Variants in DST observed in about 807,000 individuals in gnomAD.
DST encodes dystonin.
A neutral mutation model predicts 875.2 loss-of-function variants in DST; 253 were observed. That is an observed-to-expected ratio of 0.29 (90% CI 0.26 to 0.32). The LOEUF is 0.32. DST is among the 10% of genes least tolerant of loss of function. The pLI, the probability that DST is intolerant of heterozygous loss-of-function variation, is 1.00. For missense variants in DST, 8,287 were observed against 9,111.6 expected, an observed-to-expected ratio of 0.91 and a Z score of 3.68; for synonymous variants, 3,124 against 3,197.1, an observed-to-expected ratio of 0.98 and a Z score of 0.77.
intron 2 of DST, among the ~76,000 whole-genome samples, chr6:56,930,606 CAG>C (rs1352008588): frequency 3.9e-5 from 6 of 152,134 alleles, no homozygotes; most frequent in Non-Finnish European, 8.8e-5. Flanking sequence ...GGCTTTAATT[CAG>C]AGAGTATCCA....
In DST at chr6:56,605,450, C is replaced by G. The variant is rs1340272406; in HGVS notation, c.9178G>C (p.Val3060Leu). 1.9e-6 allele frequency: 3 copies of G among 1,612,936 alleles called. No individual in the cohort carries two copies. Among genetic ancestry groups the G allele is most frequent in the Non-Finnish European group, 1.7e-6 (2 of 1,179,274 alleles). ...IQKMYLGEGE[V>L]LVEGLVEEEN... The stretch of plus-strand genomic sequence containing the variant: ...TCTTCTACTAGACCTTCTACAAGCA[C>G]TTCTCCTTCACCCAAGTACATTTTC... Residue 3060 changes from valine (V) to leucine (L), a missense_variant, in exon 40 of 104, where the codon GTG becomes CTG. Physicochemically the swap from Val to Leu is conservative, Grantham distance 32. Coordinates refer to ENST00000680361, the MANE Select transcript of DST (RefSeq NM_001374736.1).
intron 5 of DST, among the ~76,000 whole-genome samples, chr6:56,707,998 T>C (rs566517096): frequency 1.3e-5 from 2 of 152,238 alleles, no homozygotes; most frequent in Non-Finnish European, 2.9e-5. Context: ...TAAAACCCCA[T>C]CTCTACTAAA....
intron 10 of DST, among the ~76,000 whole-genome samples, chr6:56,656,394 T>C (rs1309919532): frequency 6.6e-6 from 1 of 152,240 alleles, no homozygotes; most frequent in African/African-American, 2.4e-5. Context: ...CTTCAGCTTC[T>C]GATAATGTTG....
intron 3 of DST, among the ~76,000 whole-genome samples, chr6:56,897,729 G>T (rs1002159004): frequency 1.3e-5 from 2 of 152,134 alleles, no homozygotes; most frequent in South Asian, 4.1e-4. Flanking sequence ...TGATGGCTGT[G>T]ATCTGCATCA....
Position 56,694,140 on chromosome 6 carries a change from C to A in DST, c.1047+5513G>T, listed in dbSNP as rs1588709470. Among the ~76,000 whole-genome samples, 3 of 147,952 alleles carry A rather than the reference C, an allele frequency of 2.0e-5. No homozygotes were observed. In the East Asian group the frequency reaches 5.9e-4, roughly 29 times the overall value. On this transcript the variant is annotated intron_variant, in intron 9 of 103. Coordinates refer to ENST00000680361, the MANE Select transcript of DST (RefSeq NM_001374736.1). ...TTATACAGTTTTTATGAGGGCCTTG[C>A]TGGAAAAATAATGAATCAGTATGAG...
intron 4 of DST, chr6:56,843,023 A>G: frequency 7.0e-7 from 1 of 1,418,584 alleles, no homozygotes; most frequent in Non-Finnish European, 9.4e-7. Context: ...ATCAGTGCCA[A>G]GCTCCGCAGC....
intron 4 of DST, among the ~76,000 whole-genome samples, chr6:56,800,862 T>C (rs2099745821): frequency 6.6e-6 from 1 of 151,358 alleles, no homozygotes; most frequent in South Asian, 2.1e-4. Flanking sequence ...CTCCAAAAAA[T>C]ACAAAAAATT....
In DST at chr6:56,489,512, T is replaced by A; in HGVS notation, c.20855A>T (p.Lys6952Ile). 1 of 1,612,786 alleles carries A rather than the reference T, an allele frequency of 6.2e-7. No homozygotes were observed. The highest frequency in any genetic ancestry group is 8.5e-7 in the Non-Finnish European group (1 of 1,179,258). Residue 6952 changes from lysine to isoleucine, a missense_variant, in exon 86 of 104, where the codon AAA becomes ATA. Physicochemically the swap from Lys to Ile is moderately radical, Grantham distance 102. Transcript: ENST00000680361. The part of the protein sequence containing the change: ...LEIANDPDKI[K>I]TQLAQHKEFQ... ...CACCTTATGTTGTGCAAGTTGTGTT[T>A]TTATTTTGTCTGGATCATTTGCGAT...
chr6:56,509,111 G>A (rs1392071937), intron 74 of DST, among the ~76,000 whole-genome samples: 3 of 152,122 alleles, frequency 2.0e-5, no homozygotes, highest in Admixed American at 6.6e-5. Context: ...GAGTAAAATT[G>A]TCCGTTCAGT....
At chr6:56,785,435 C>T (rs2099703198) in intron 4 of DST, among the ~76,000 whole-genome samples, 1 of 152,166 alleles carries the variant, frequency 6.6e-6, no homozygotes, top group South Asian at 2.1e-4. Flanking sequence ...CTCCGCCAGC[C>T]TCGCTGCCGC....
At chr6:56,812,486 T>C (rs1292869712) in intron 4 of DST, among the ~76,000 whole-genome samples, 1 of 152,158 alleles carries the variant, frequency 6.6e-6, no homozygotes, top group Non-Finnish European at 1.5e-5. Context: ...GGAGAAAACA[T>C]TCTGAGGTAA....
chr6:56,597,102 T>C (rs924240072), intron 47 of DST, among the ~76,000 whole-genome samples: 3 of 152,098 alleles, frequency 2.0e-5, no homozygotes, highest in Non-Finnish European at 2.9e-5. Context: ...TAGCCAGGCA[T>C]GGCAGCACAG....
At chr6:56,836,943 T>C (rs976454901) in intron 4 of DST, among the ~76,000 whole-genome samples, 12 of 151,920 alleles carry the variant, frequency 7.9e-5, no homozygotes, top group Non-Finnish European at 1.8e-4. Flanking sequence ...TTGAAATATA[T>C]TGAAAGTTTT....
chr6:56,837,646 A>C (rs1367784999), intron 4 of DST, among the ~76,000 whole-genome samples: 1 of 152,056 alleles, frequency 6.6e-6, no homozygotes, highest in African/African-American at 2.4e-5. Flanking sequence ...TCTTCCTACA[A>C]ATTCTAACCA....
intron 4 of DST, among the ~76,000 whole-genome samples, chr6:56,795,566 A>G (rs1025507320): frequency 3.9e-5 from 6 of 152,200 alleles, no homozygotes; most frequent in African/African-American, 7.2e-5. Context: ...AGTAGTTCTC[A>G]ACTCTGGCTA....
intron 52 of DST, among the ~76,000 whole-genome samples, chr6:56,572,480 T>C (rs550136267): frequency 6.6e-6 from 1 of 152,326 alleles, no homozygotes; most frequent in African/African-American, 2.4e-5. Flanking sequence ...ATGCATTCTA[T>C]ATTTTGTCTC....
At chr6:56,491,002 G>A (rs1238270266) in intron 85 of DST, among the ~76,000 whole-genome samples, 1 of 152,182 alleles carries the variant, frequency 6.6e-6, no homozygotes, top group Non-Finnish European at 1.5e-5. Flanking sequence ...TTTATAAACT[G>A]ATGTTCATAA....
intron 8 of DST, among the ~76,000 whole-genome samples, chr6:56,701,483 T>C (rs1403927894): frequency 6.6e-6 from 1 of 151,248 alleles, no homozygotes; most frequent in Non-Finnish European, 1.5e-5. Context: ...TTATATAAAG[T>C]ATTTTTATAA....
intron 4 of DST, among the ~76,000 whole-genome samples, chr6:56,787,339 A>C (rs1313225946): frequency 6.6e-6 from 1 of 152,250 alleles, no homozygotes; most frequent in Admixed American, 6.5e-5. Flanking sequence ...AGATGAGTAT[A>C]GTGAAGCTCA....
Sources: allele counts gnomAD v4.1 joint callset (sites outside exome capture counted in the v4.1 genomes callset), GRCh38; gene constraint gnomAD v4.1.1; transcripts MANE v1.5; gene names NCBI Gene and HGNC (gene_info 2026-07-23, HGNC 2026-07-21).